Variants in TAFA2 observed in about 807,000 individuals in gnomAD.
TAFA2 encodes the protein chemokine-like protein TAFA-2.
A neutral mutation model predicts 18.8 loss-of-function variants in TAFA2; 7 were observed. The observed-to-expected ratio is 0.37, with a 90% confidence interval of 0.21 to 0.70. TAFA2 has a LOEUF of 0.70. TAFA2 is among the 30% of genes least tolerant of loss of function. The pLI is 0.53. For missense variants in TAFA2, 122 were observed against 158.1 expected (o/e 0.77, Z 1.23); for synonymous variants, 60 against 54.2 (o/e 1.11, Z -0.47).
chr12:62,209,830 T>C (rs911446710), intron 1 of TAFA2, among the ~76,000 whole-genome samples: 1 of 152,244 alleles, frequency 6.6e-6, no homozygotes, highest in Non-Finnish European at 1.5e-5. Flanking sequence ...TTCTATATGA[T>C]AGATATTATC....
chr12:61,769,224 AACCCTACCTCC>A (rs1869920719), intron 2 of TAFA2, among the ~76,000 whole-genome samples: 1 of 151,910 alleles, frequency 6.6e-6, no homozygotes, highest in Admixed American at 6.6e-5. Context: ...AGACATACCT[AACCCTACCTCC>A]ACCTGATGGT....
intron 1 of TAFA2, among the ~76,000 whole-genome samples, chr12:62,098,195 C>G (rs1468897102): frequency 6.6e-6 from 1 of 152,058 alleles, no homozygotes; most frequent in African/African-American, 2.4e-5. Context: ...TATGCAAACA[C>G]TTAGATGCAT....
chr12:61,978,093 T>A (rs1322334663), intron 1 of TAFA2, among the ~76,000 whole-genome samples: 1 of 152,194 alleles, frequency 6.6e-6, no homozygotes, highest in South Asian at 2.1e-4. Flanking sequence ...ATGAGCTACA[T>A]GACTCTGTGC....
chr12:61,957,342 G>A (rs907944325), intron 1 of TAFA2, among the ~76,000 whole-genome samples: 4 of 152,070 alleles, frequency 2.6e-5, no homozygotes, highest in Admixed American at 1.3e-4. Flanking sequence ...TTGCAATATA[G>A]GACAGAGATT....
At chr12:61,835,613 T>C (rs1159033243) in intron 2 of TAFA2, among the ~76,000 whole-genome samples, 1 of 152,090 alleles carries the variant, frequency 6.6e-6, no homozygotes, top group East Asian at 1.9e-4. Flanking sequence ...TGTAATGAGT[T>C]TTACTATTAC....
chr12:62,050,388 G>A (rs1303779065), intron 1 of TAFA2, among the ~76,000 whole-genome samples: 1 of 152,026 alleles, frequency 6.6e-6, no homozygotes, highest in Non-Finnish European at 1.5e-5. Context: ...GGCTAACACG[G>A]TGAAACCCCG....
Position 61,710,373 on chromosome 12 carries a change from A to G in TAFA2, c.*33T>C. 1 of 1,605,224 alleles carries G rather than the reference A, an allele frequency of 6.2e-7. No individual in the cohort carries two copies. Among genetic ancestry groups the G allele is most frequent in the Non-Finnish European group, 8.5e-7 (1 of 1,172,210 alleles). On this transcript the variant is annotated 3_prime_UTR_variant, in exon 5 of 5. Coordinates refer to ENST00000416284, the MANE Select transcript of TAFA2 (RefSeq NM_178539.5). Reference sequence around the variant, plus strand: ...AGTTTCTATGCGCATGTTCAATGTCATCAGCCTTGAGGATCACTTGATTTC... The same window carrying G: ...AGTTTCTATGCGCATGTTCAATGTCGTCAGCCTTGAGGATCACTTGATTTC...
chr12:61,840,608 A>G (rs759569410), intron 2 of TAFA2, among the ~76,000 whole-genome samples: 14 of 152,096 alleles, frequency 9.2e-5, no homozygotes, highest in Non-Finnish European at 2.1e-4. Context: ...GAGAGATGGC[A>G]GAATAAATGA....
At chr12:62,026,349 C>T (rs539951100) in intron 1 of TAFA2, among the ~76,000 whole-genome samples, 39 of 152,154 alleles carry the variant, frequency 2.6e-4, no homozygotes, top group Non-Finnish European at 1.6e-4. Flanking sequence ...CCTTAAAGCG[C>T]CCCTGCTTGG....
At chr12:61,954,540 AACAC>A (rs140612320) in intron 1 of TAFA2, among the ~76,000 whole-genome samples, 205 of 151,016 alleles carry the variant, frequency 1.4e-3, no homozygotes, top group African/African-American at 2.6e-3. Flanking sequence ...TAAAACACAA[AACAC>A]ACACACACAC....
At chr12:62,152,936 G>C (rs896805443) in intron 1 of TAFA2, among the ~76,000 whole-genome samples, 1 of 152,112 alleles carries the variant, frequency 6.6e-6, no homozygotes, top group African/African-American at 2.4e-5. Context: ...ACAGAGAAAG[G>C]GTGTTGAAAC....
chr12:61,856,282 G>C (rs569683864), intron 2 of TAFA2, among the ~76,000 whole-genome samples: 1 of 151,796 alleles, frequency 6.6e-6, no homozygotes, highest in Non-Finnish European at 1.5e-5. Context: ...ACTACTGACT[G>C]TTAATTATTT....
chr12:61,834,275 C>A (rs1872830961), intron 2 of TAFA2, among the ~76,000 whole-genome samples: 1 of 152,016 alleles, frequency 6.6e-6, no homozygotes, highest in African/African-American at 2.4e-5. Context: ...CTACTTCTTC[C>A]CACTCAGGAG....
intron 1 of TAFA2, among the ~76,000 whole-genome samples, chr12:62,233,685 T>A (rs992040089): frequency 1.8e-4 from 27 of 152,194 alleles, no homozygotes; most frequent in Non-Finnish European, 2.2e-4. Context: ...TCTGGTGCCC[T>A]GGTAGAAATG....
intron 1 of TAFA2, among the ~76,000 whole-genome samples, chr12:61,966,914 A>T (rs1351406581): frequency 6.6e-6 from 1 of 151,912 alleles, no homozygotes; most frequent in Non-Finnish European, 1.5e-5. Context: ...CCAGTCAATG[A>T]AACGGTCACT....
intron 1 of TAFA2, among the ~76,000 whole-genome samples, chr12:62,241,253 CA>C (rs1160871329): frequency 6.6e-6 from 1 of 152,152 alleles, no homozygotes; most frequent in Non-Finnish European, 1.5e-5. Context: ...GAAATACTAG[CA>C]ATTGTTATTT....
At chr12:61,940,631 A>G (rs1359051752) in intron 1 of TAFA2, among the ~76,000 whole-genome samples, 1 of 152,216 alleles carries the variant, frequency 6.6e-6, no homozygotes, top group Non-Finnish European at 1.5e-5. Context: ...CTGCTTGTCC[A>G]GCTGTGAACC....
At chr12:62,069,076 T>G (rs1004440154) in intron 1 of TAFA2, among the ~76,000 whole-genome samples, 1 of 152,288 alleles carries the variant, frequency 6.6e-6, no homozygotes, top group South Asian at 2.1e-4. Flanking sequence ...GAGCAATTTT[T>G]GTGCTGCAAT....
chr12:61,758,556 A>C (rs1362926943), intron 2 of TAFA2, among the ~76,000 whole-genome samples: 1 of 151,978 alleles, frequency 6.6e-6, no homozygotes, highest in African/African-American at 2.4e-5. Context: ...AAGATAAGGT[A>C]GTTTCTTACC....
Sources: gnomAD v4.1 joint callset for allele counts (sites outside exome capture counted in the v4.1 genomes callset) on GRCh38, gnomAD v4.1.1 for gene constraint, MANE v1.5 for transcripts, NCBI Gene and HGNC (gene_info 2026-07-23, HGNC 2026-07-21) for gene names.